Variants in TRIM44 observed in about 807,000 individuals in gnomAD.
The protein encoded by TRIM44 is tripartite motif containing 44, also known as tripartite motif-containing protein 44.
TRIM44 carries 13 observed loss-of-function variants against 37.4 expected under a neutral mutation model. That is an observed-to-expected ratio of 0.35 (90% confidence interval 0.23 to 0.55). The LOEUF (loss-of-function observed/expected upper bound fraction) is 0.55, where lower values mean the gene tolerates loss of function less well. Among genes scored for constraint, TRIM44 ranks in the 20% least tolerant of loss-of-function variants. The pLI is 0.89. For synonymous variants in TRIM44, 175 were observed against 157.2 expected (o/e 1.11, Z -0.85); for missense variants, 426 against 437.2 (o/e 0.97, Z 0.23).
At chr11:35,805,917 G>A (rs1246931559) in intron 4 of TRIM44, among the ~76,000 whole-genome samples, 2 of 152,160 alleles carry the variant, frequency 1.3e-5, no homozygotes, top group East Asian at 3.9e-4. Context: ...GTGCCATTGA[G>A]AGTGCAGATG....
chr11:35,740,376 C>T (rs749802814), intron 4 of TRIM44, among the ~76,000 whole-genome samples: 2 of 152,040 alleles, frequency 1.3e-5, no homozygotes, highest in Non-Finnish European at 2.9e-5. Flanking sequence ...GGAAAAGACC[C>T]TTAAACTCTT....
intron 4 of TRIM44, among the ~76,000 whole-genome samples, chr11:35,790,091 T>G (rs1181326431): frequency 6.6e-6 from 1 of 152,174 alleles, no homozygotes; most frequent in Non-Finnish European, 1.5e-5. Flanking sequence ...TGCCCGGTAC[T>G]TATGCCCTAG....
intron 4 of TRIM44, among the ~76,000 whole-genome samples, chr11:35,791,794 C>T (rs1385276346): frequency 1.3e-5 from 2 of 152,128 alleles, no homozygotes; most frequent in Non-Finnish European, 2.9e-5. Context: ...TCTCTTATGG[C>T]TCATAGCTAC....
chr11:35,813,193 T>G lies in TRIM44; in HGVS notation c.*6808T>G, dbSNP rs1353974493. 1 of 152,186 alleles carries G rather than the reference T, an allele frequency of 6.6e-6. No individual in the cohort carries two copies. Among genetic ancestry groups the G allele is most frequent in the Non-Finnish European group, 1.5e-5 (1 of 68,018 alleles). 9.4% of individuals were successfully genotyped at this position (152,186 alleles called of 1,614,324 possible). On this transcript the variant is annotated 3_prime_UTR_variant, in exon 5 of 5. Coordinates refer to ENST00000299413, the MANE Select transcript of TRIM44 (RefSeq NM_017583.6). ...CACAACCTTCACAATATTTTAGGAT[T>G]CATGGCAACTCATTTACCTAGGGCT...
chr11:35,703,468 C>G (rs1266942676), intron 2 of TRIM44, among the ~76,000 whole-genome samples: 1 of 152,194 alleles, frequency 6.6e-6, no homozygotes, highest in Non-Finnish European at 1.5e-5. Context: ...TCAAGTGGGT[C>G]CCTGACCCCT....
chr11:35,800,894 G>T (rs777851796), intron 4 of TRIM44, among the ~76,000 whole-genome samples: 3 of 152,166 alleles, frequency 2.0e-5, no homozygotes, highest in Non-Finnish European at 4.4e-5. Context: ...AAGGATACTG[G>T]GTCCTAGAGT....
intron 2 of TRIM44, among the ~76,000 whole-genome samples, chr11:35,706,158 C>A (rs1167552900): frequency 6.7e-6 from 1 of 149,026 alleles, no homozygotes; most frequent in Admixed American, 6.7e-5. Context: ...ATTAGAAAAT[C>A]TAGAAGAAAT....
intron 4 of TRIM44, among the ~76,000 whole-genome samples, chr11:35,738,030 A>G (rs1484593307): frequency 6.6e-6 from 1 of 152,164 alleles, no homozygotes; most frequent in South Asian, 2.1e-4. Context: ...GATTAGCTCT[A>G]GCTCCTTAAA....
chr11:35,728,595 A>G lies in TRIM44; in HGVS notation c.987+2432A>G, dbSNP rs1189116617. Among the ~76,000 whole-genome samples, 3 of 152,156 alleles carry G rather than the reference A, an allele frequency of 2.0e-5. No individual in the cohort carries two copies. The East Asian group carries it at 5.8e-4, about 29-fold the overall frequency. On this transcript the variant is annotated intron_variant, in intron 3 of 4. Transcript: ENST00000299413. ...ATTTAATAGCCTCTTGTTCCAGTTA[A>G]TCTGGTAACTTATTGGTGAGAGCAA...
intron 3 of TRIM44, among the ~76,000 whole-genome samples, chr11:35,730,001 C>A (rs1456797612): frequency 6.6e-6 from 1 of 152,106 alleles, no homozygotes. Context: ...ATGAAAATCT[C>A]AATTCTAAGG....
At chr11:35,765,569 A>G (rs1852786695) in intron 4 of TRIM44, among the ~76,000 whole-genome samples, 1 of 152,224 alleles carries the variant, frequency 6.6e-6, no homozygotes, top group African/African-American at 2.4e-5. Flanking sequence ...GGTTAAGGGG[A>G]AAGTGTGCAT....
intron 4 of TRIM44, among the ~76,000 whole-genome samples, chr11:35,787,995 C>A (rs1853151506): frequency 1.3e-5 from 2 of 152,180 alleles, no homozygotes; most frequent in South Asian, 4.1e-4. Context: ...CAGCCTATGG[C>A]AGTTGTTCAT....
intron 2 of TRIM44, among the ~76,000 whole-genome samples, chr11:35,708,943 C>T (rs575367415): frequency 1.3e-4 from 20 of 150,496 alleles, no homozygotes; most frequent in African/African-American, 4.6e-4. Context: ...AATGAAAACA[C>T]ATTAAAATAA....
At chr11:35,741,720 TTTCCCACTAGGAGCTCTA>T (rs1313027919) in intron 4 of TRIM44, among the ~76,000 whole-genome samples, 1 of 152,168 alleles carries the variant, frequency 6.6e-6, no homozygotes, top group Non-Finnish European at 1.5e-5. Flanking sequence ...CAGGATAACA[TTTCCCACTAGGAGCTCTA>T]TTCCCTAACC....
chr11:35,771,740 A>G (rs1316319910), intron 4 of TRIM44, among the ~76,000 whole-genome samples: 1 of 152,156 alleles, frequency 6.6e-6, no homozygotes, highest in Non-Finnish European at 1.5e-5. Flanking sequence ...AGAAAAAAAA[A>G]AAAAAGCATT....
chr11:35,693,600 T>C (rs890815778), intron 2 of TRIM44, among the ~76,000 whole-genome samples: 4 of 152,168 alleles, frequency 2.6e-5, no homozygotes, highest in African/African-American at 9.6e-5. Context: ...TGGTTTGGTC[T>C]GTTGGGGCCT....
intron 2 of TRIM44, among the ~76,000 whole-genome samples, chr11:35,704,921 T>C (rs545556666): frequency 1.3e-5 from 2 of 150,568 alleles, no homozygotes; most frequent in Non-Finnish European, 3.0e-5. Flanking sequence ...ATATTAACTT[T>C]AAATGTAAAT....
intron 1 of TRIM44, among the ~76,000 whole-genome samples, chr11:35,683,922 C>T (rs1052500280): frequency 2.0e-5 from 3 of 151,956 alleles, no homozygotes; most frequent in East Asian, 1.9e-4. Context: ...AGTAATAAAA[C>T]TGTTTCATAC....
intron 4 of TRIM44, among the ~76,000 whole-genome samples, chr11:35,783,738 C>T (rs574355873): frequency 1.0e-3 from 152 of 152,234 alleles, no homozygotes; most frequent in African/African-American, 3.4e-3. Flanking sequence ...GAGAGCCTAG[C>T]CCCTTCCTGG....
Sources: allele counts gnomAD v4.1 joint callset (sites outside exome capture counted in the v4.1 genomes callset), GRCh38; gene constraint gnomAD v4.1.1; transcripts MANE v1.5; gene names NCBI Gene and HGNC (gene_info 2026-07-23, HGNC 2026-07-21).